TSG101: variants seen among roughly 807,000 people sequenced by gnomAD.
TSG101 encodes tumor susceptibility 101, also known as tumor susceptibility gene 101 protein.
A neutral mutation model predicts 48.5 loss-of-function variants in TSG101; 19 were observed. The observed-to-expected ratio is 0.39, with a 90% CI of 0.27 to 0.58. TSG101 has a LOEUF of 0.58. Ranked by LOEUF, TSG101 falls within the 20% of genes least tolerant of loss-of-function variation. TSG101 has a pLI of 0.55. For synonymous variants in TSG101, 174 were observed against 169.4 expected (o/e 1.03, Z -0.21); for missense variants, 365 against 484.4 (o/e 0.75, Z 2.31).
intron 3 of TSG101, 21 bp downstream of exon 3, chr11:18,516,078 G>T (rs755519757): frequency 1.9e-6 from 3 of 1,606,672 alleles, no homozygotes; most frequent in South Asian, 1.1e-5. Flanking sequence ...ATCTATGCTG[G>T]AAACCTAATA....
intron 8 of TSG101, among the ~76,000 whole-genome samples, 161 bp from the exon 9 acceptor site, chr11:18,482,030 A>C (rs939641971): frequency 6.6e-6 from 1 of 152,224 alleles, no homozygotes; most frequent in South Asian, 2.1e-4. Context: ...GTAGAGGAAA[A>C]GATGTGATCT....
chr11:18,500,750 T>C (rs1187188611), intron 7 of TSG101, among the ~76,000 whole-genome samples: 1 of 152,194 alleles, frequency 6.6e-6, no homozygotes, highest in Admixed American at 6.5e-5. Flanking sequence ...TGCAAATATT[T>C]TCTCCCACTC....
intron 7 of TSG101, among the ~76,000 whole-genome samples, chr11:18,502,173 G>A (rs1288423984): frequency 2.0e-5 from 3 of 152,174 alleles, no homozygotes; most frequent in Admixed American, 6.5e-5. Flanking sequence ...TAATGATGGT[G>A]ATCTGTTTTC....
At chr11:18,526,331 AG>A (rs1445740418) in intron 1 of TSG101, among the ~76,000 whole-genome samples, 1 of 152,228 alleles carries the variant, frequency 6.6e-6, no homozygotes, top group East Asian at 1.9e-4. Context: ...AAAACTGAAA[AG>A]GCCACACTCT....
At chr11:18,517,843 A>G (rs1047781927) in intron 2 of TSG101, among the ~76,000 whole-genome samples, 1 of 152,188 alleles carries the variant, frequency 6.6e-6, no homozygotes, top group Non-Finnish European at 1.5e-5. Flanking sequence ...TATTTTACTT[A>G]CTGTTGACGA....
chr11:18,520,734 A>G (rs1270525607), intron 1 of TSG101, among the ~76,000 whole-genome samples: 1 of 152,122 alleles, frequency 6.6e-6, no homozygotes, highest in East Asian at 1.9e-4. Flanking sequence ...GGTTATTTTC[A>G]TGATTACAAA....
chr11:18,512,060 A>G (rs1166757828), intron 4 of TSG101, among the ~76,000 whole-genome samples: 2 of 152,162 alleles, frequency 1.3e-5, no homozygotes, highest in South Asian at 2.1e-4. Flanking sequence ...AAAAAAATTA[A>G]TATCTATGTT....
intron 1 of TSG101, among the ~76,000 whole-genome samples, chr11:18,523,217 G>A (rs1470144863): frequency 6.6e-6 from 1 of 152,038 alleles, no homozygotes; most frequent in Non-Finnish European, 1.5e-5. Flanking sequence ...CCTCTCTCAG[G>A]TGAGCTCAAG....
At chr11:18,504,662 T>A (rs1849940973) in intron 6 of TSG101, among the ~76,000 whole-genome samples, 1 of 152,212 alleles carries the variant, frequency 6.6e-6, no homozygotes, top group Non-Finnish European at 1.5e-5. Context: ...ATTGCTGAAT[T>A]TTTTTGTAAC....
chr11:18,519,624 A>G, intron 1 of TSG101, 21 bp from the exon 2 acceptor site: 1 of 1,567,914 alleles, frequency 6.4e-7, no homozygotes. Context: ...AAATCGCATA[A>G]GAATTTAGTT....
At chr11:18,521,988 T>A (rs2133934606) in intron 1 of TSG101, among the ~76,000 whole-genome samples, 1 of 152,302 alleles carries the variant, frequency 6.6e-6, no homozygotes, top group South Asian at 2.1e-4. Flanking sequence ...CCCTTTCTCT[T>A]AAAACATGTT....
At chr11:18,514,620 T>C (rs1239993792) in intron 4 of TSG101, 58 bp downstream of exon 4, 96 of 1,418,766 alleles carry the variant, frequency 6.8e-5, no homozygotes, top group Admixed American at 5.6e-5. Flanking sequence ...AGAAAGCAGA[T>C]GCTAGTGAGC....
intron 7 of TSG101, 62 bp downstream of exon 7, chr11:18,502,424 T>C (rs1341079596): frequency 1.1e-5 from 15 of 1,390,220 alleles, no homozygotes; most frequent in Non-Finnish European, 1.4e-5. Flanking sequence ...GAAATGTGCT[T>C]TTCACAACAG....
At chr11:18,489,260 A>G (rs1849664897) in intron 7 of TSG101, among the ~76,000 whole-genome samples, 1 of 150,752 alleles carries the variant, frequency 6.6e-6, no homozygotes, top group Non-Finnish European at 1.5e-5. Context: ...AGGTCTCCCT[A>G]CGTTGTCCAG....
At chr11:18,487,124 T>C (rs1344363914) in intron 7 of TSG101, among the ~76,000 whole-genome samples, 1 of 72,672 alleles carries the variant, frequency 1.4e-5, no homozygotes, top group African/African-American at 5.5e-5. Context: ...TGTTGTGGGG[T>C]GGGGGGAGGG....
At chr11:18,509,146 G>T (rs1850027776) in intron 5 of TSG101, among the ~76,000 whole-genome samples, 1 of 152,214 alleles carries the variant, frequency 6.6e-6, no homozygotes, top group Admixed American at 6.5e-5. Flanking sequence ...CGCTTCAGTT[G>T]ACCTTAATCC....
intron 8 of TSG101, 25 bp downstream of exon 8, chr11:18,483,845 T>C (rs1166699002): frequency 6.2e-7 from 1 of 1,612,488 alleles, no homozygotes; most frequent in South Asian, 1.1e-5. Flanking sequence ...ATCCAAAAAT[T>C]TTAAGTCTTT....
At chr11:18,482,238 T>C (rs539449163) in intron 8 of TSG101, among the ~76,000 whole-genome samples, 1 of 152,336 alleles carries the variant, frequency 6.6e-6, no homozygotes, top group East Asian at 1.9e-4. Flanking sequence ...GCACCTGCCA[T>C]AGGAGAGTAA....
intron 2 of TSG101, 36 bp from the exon 3 acceptor site, chr11:18,516,200 T>C (rs755326157): frequency 1.3e-6 from 2 of 1,571,134 alleles, no homozygotes; most frequent in East Asian, 4.5e-5. Context: ...TCATGAGCAT[T>C]TTTTAAGATA....
Sources: allele counts gnomAD v4.1 joint callset (sites outside exome capture counted in the v4.1 genomes callset), GRCh38; gene constraint gnomAD v4.1.1; transcripts MANE v1.5; gene names NCBI Gene and HGNC (gene_info 2026-07-23, HGNC 2026-07-21).